Variants in XKR4 observed in about 807,000 individuals in gnomAD.
XKR4 encodes the protein XK-related protein 4.
XKR4 carries 12 observed loss-of-function variants against 53.9 expected under a neutral mutation model. The ratio of observed to expected loss-of-function variants is 0.22; its 90% CI spans 0.14 to 0.36. The LOEUF is 0.36. Ranked by LOEUF, XKR4 falls within the 10% of genes least tolerant of loss-of-function variation. XKR4 has a pLI of 1.00. For missense variants in XKR4, 799 were observed against 859.5 expected (o/e 0.93, Z 0.88); for synonymous variants, 354 against 362.4 (o/e 0.98, Z 0.26).
chr8:55,515,557 C>A (rs1450565181), intron 2 of XKR4, among the ~76,000 whole-genome samples: 1 of 152,152 alleles, frequency 6.6e-6, no homozygotes, highest in Non-Finnish European at 1.5e-5. Context: ...ATTTTGTGAC[C>A]TGCTACTCTT....
intron 1 of XKR4, among the ~76,000 whole-genome samples, chr8:55,163,622 G>A (rs1413163705): frequency 6.6e-6 from 1 of 152,158 alleles, no homozygotes; most frequent in Non-Finnish European, 1.5e-5. Flanking sequence ...GGGGTGGGCT[G>A]ATCACCTGAG....
At chr8:55,339,722 G>GA (rs1803513130) in intron 1 of XKR4, among the ~76,000 whole-genome samples, 1 of 152,132 alleles carries the variant, frequency 6.6e-6, no homozygotes, top group South Asian at 2.1e-4. Context: ...CAGTAAATTA[G>GA]AAAAAACTGC....
In XKR4 at chr8:55,102,888, G is replaced by T; in HGVS notation, c.400G>T (p.Val134Leu). ...ADVGTDVWLA[V>L]DYYLRGQRWW... ...CGTGGGCACAGACGTCTGGCTCGCC[G>T]TGGACTACTACCTGCGCGGCCAGCG... The change falls in exon 1 of 3, where the codon GTG (valine) becomes TTG (leucine). Residue 134 changes from valine to leucine, a missense_variant. Val to Leu is a conservative substitution (Grantham distance 32). Transcript: ENST00000327381. This position sits in a 1 kb window ranked among gnomAD's most constrained non-coding sequence, Gnocchi z 5.1. 6.2e-7 allele frequency: 1 copy of T among 1,612,136 alleles called. No individual in the cohort carries two copies. Among genetic ancestry groups the T allele is most frequent in the South Asian group, 1.1e-5 (1 of 91,078 alleles).
intron 2 of XKR4, among the ~76,000 whole-genome samples, chr8:55,377,231 G>C (rs955413719): frequency 2.6e-5 from 4 of 152,120 alleles, no homozygotes; most frequent in African/African-American, 4.8e-5. Flanking sequence ...TTCACCTGTG[G>C]TGCACTCCTC....
At chr8:55,150,377 A>C (rs1816825096) in intron 1 of XKR4, among the ~76,000 whole-genome samples, 1 of 152,248 alleles carries the variant, frequency 6.6e-6, no homozygotes, top group Admixed American at 6.5e-5. Context: ...GCTAAAGAAG[A>C]AAGTAGGAGG....
intron 2 of XKR4, among the ~76,000 whole-genome samples, chr8:55,480,127 A>G (rs1055529326): frequency 7.9e-5 from 12 of 152,210 alleles, no homozygotes; most frequent in African/African-American, 1.7e-4. Context: ...AATATCCTTG[A>G]TGAACATTGA....
At chr8:55,303,935 T>C (rs1819248173) in intron 1 of XKR4, among the ~76,000 whole-genome samples, 1 of 152,202 alleles carries the variant, frequency 6.6e-6, no homozygotes. Context: ...TTGTTGATCT[T>C]TTCAAAAAAC....
At chr8:55,382,520 C>G (rs191080274) in intron 2 of XKR4, among the ~76,000 whole-genome samples, 1 of 152,064 alleles carries the variant, frequency 6.6e-6, no homozygotes, top group African/African-American at 2.4e-5. Context: ...TGCCAGAGTA[C>G]TGCAGTGGAA....
At chr8:55,121,043 T>A (rs1600637) in intron 1 of XKR4, among the ~76,000 whole-genome samples, 1 of 152,132 alleles carries the variant, frequency 6.6e-6, no homozygotes, top group Admixed American at 6.5e-5. Context: ...TATGGCTTGA[T>A]AGCTCATTTG....
At chr8:55,314,421 C>T (rs1819432588) in intron 1 of XKR4, among the ~76,000 whole-genome samples, 1 of 152,206 alleles carries the variant, frequency 6.6e-6, no homozygotes, top group South Asian at 2.1e-4. Flanking sequence ...GCCCCCCCAT[C>T]GCTGGGGCAC....
intron 1 of XKR4, among the ~76,000 whole-genome samples, chr8:55,186,749 T>C (rs1200700598): frequency 6.6e-6 from 1 of 152,006 alleles, no homozygotes; most frequent in African/African-American, 2.4e-5. Context: ...GAATATATAC[T>C]TTTTTTTCCA....
chr8:55,222,050 C>T (rs1817888480), intron 1 of XKR4, among the ~76,000 whole-genome samples: 1 of 152,172 alleles, frequency 6.6e-6, no homozygotes, highest in Admixed American at 6.5e-5. Flanking sequence ...CCAGAGAGTG[C>T]CCCCTGCCCA....
chr8:55,268,914 T>C (rs1818649505), intron 1 of XKR4, among the ~76,000 whole-genome samples: 2 of 152,218 alleles, frequency 1.3e-5, no homozygotes, highest in South Asian at 2.1e-4. Context: ...AATAGACTTC[T>C]ACATGTTTTA....
At chr8:55,374,074 C>T (rs540756408) in intron 2 of XKR4, among the ~76,000 whole-genome samples, 2 of 152,310 alleles carry the variant, frequency 1.3e-5, no homozygotes, top group East Asian at 3.9e-4. Flanking sequence ...TCCTGAAACC[C>T]AAGGGTCCTG....
intron 2 of XKR4, among the ~76,000 whole-genome samples, chr8:55,445,288 A>G (rs1268015382): frequency 1.3e-5 from 2 of 151,938 alleles, no homozygotes; most frequent in Non-Finnish European, 2.9e-5. Flanking sequence ...CGATCTCCTG[A>G]CCTCGTGATC....
chr8:55,386,987 C>T (rs549387434), intron 2 of XKR4, among the ~76,000 whole-genome samples: 20 of 152,252 alleles, frequency 1.3e-4, no homozygotes, highest in African/African-American at 4.8e-4. Flanking sequence ...GTCACAGACA[C>T]TTTATATCTT....
At chr8:55,408,685 A>C (rs1011321743) in intron 2 of XKR4, among the ~76,000 whole-genome samples, 1 of 152,176 alleles carries the variant, frequency 6.6e-6, no homozygotes, top group South Asian at 2.1e-4. Context: ...CTTGTAGGCT[A>C]TTGGAAGGTA....
intron 1 of XKR4, among the ~76,000 whole-genome samples, chr8:55,166,747 T>C (rs570514528): frequency 2.0e-5 from 3 of 152,306 alleles, no homozygotes; most frequent in Non-Finnish European, 2.9e-5. Context: ...TAACATCGCA[T>C]GTTCAAGGGC....
chr8:55,325,464 A>G (rs1011908168), intron 1 of XKR4, among the ~76,000 whole-genome samples: 1 of 152,170 alleles, frequency 6.6e-6, no homozygotes, highest in African/African-American at 2.4e-5. Flanking sequence ...GATTTACTGT[A>G]TTGGCATGAG....
Sources: gnomAD v4.1 joint callset for allele counts (sites outside exome capture counted in the v4.1 genomes callset) on GRCh38, gnomAD v4.1.1 for gene constraint, Gnocchi (gnomAD v3.1) non-coding constraint, MANE v1.5 for transcripts, NCBI Gene and HGNC (gene_info 2026-07-23, HGNC 2026-07-21) for gene names.